Variants in FHIT observed in about 807,000 individuals in gnomAD.
FHIT encodes the protein bis(5'-adenosyl)-triphosphatase.
Under a neutral mutation model 17.9 loss-of-function variants are expected in FHIT, and 19 were observed. The observed-to-expected ratio is 1.06, with a 90% CI of 0.74 to 1.56. The LOEUF is 1.56. Among genes scored for constraint, FHIT ranks in the 40% most tolerant of loss-of-function variants. The probability of loss-of-function intolerance (pLI) is 0.00; values close to 1 mark genes in which losing one functional copy is unlikely to be tolerated. For missense variants in FHIT, 248 were observed against 189.2 expected (o/e 1.31, Z -1.82); for synonymous variants, 81 against 69.7 (o/e 1.16, Z -0.81).
intron 3 of FHIT, among the ~76,000 whole-genome samples, chr3:60,972,430 T>A (rs1381502563): frequency 6.6e-6 from 1 of 152,220 alleles, no homozygotes; most frequent in Non-Finnish European, 1.5e-5. Flanking sequence ...GGTTTAAAAA[T>A]TAGCTTTATG....
chr3:60,577,376 T>C, intron 4 of FHIT, among the ~76,000 whole-genome samples: 1 of 152,092 alleles, frequency 6.6e-6, no homozygotes, highest in Admixed American at 6.6e-5. Flanking sequence ...CTCTTTTGGG[T>C]CAAAAATAAC....
intron 5 of FHIT, among the ~76,000 whole-genome samples, chr3:60,358,270 C>A (rs1472894178): frequency 6.6e-6 from 1 of 152,170 alleles, no homozygotes; most frequent in Admixed American, 6.5e-5. Context: ...GAGAACAATC[C>A]TTTCCAGCCA....
intron 7 of FHIT, among the ~76,000 whole-genome samples, chr3:59,988,141 G>C (rs565619395): frequency 6.6e-6 from 1 of 152,104 alleles, no homozygotes; most frequent in African/African-American, 2.4e-5. Context: ...AAGCAACAGA[G>C]AATGAGAAAT....
At chr3:60,895,139 C>T (rs1553761581) in intron 3 of FHIT, among the ~76,000 whole-genome samples, 1 of 152,150 alleles carries the variant, frequency 6.6e-6, no homozygotes, top group African/African-American at 2.4e-5. Flanking sequence ...TTCCTTTGCC[C>T]ATCATGTCAT....
intron 2 of FHIT, among the ~76,000 whole-genome samples, chr3:61,123,661 G>T (rs2036526872): frequency 6.6e-6 from 1 of 152,074 alleles, no homozygotes; most frequent in African/African-American, 2.4e-5. Context: ...ACTTCTTCTT[G>T]TTCTATCCCC....
intron 4 of FHIT, among the ~76,000 whole-genome samples, chr3:60,648,158 A>T (rs537542346): frequency 6.6e-6 from 1 of 152,188 alleles, no homozygotes; most frequent in South Asian, 2.1e-4. Context: ...GGGAACCACA[A>T]CAGGTTGACG....
At chr3:60,757,161 C>T (rs1467685726) in intron 4 of FHIT, among the ~76,000 whole-genome samples, 1 of 145,716 alleles carries the variant, frequency 6.9e-6, no homozygotes, top group Non-Finnish European at 1.5e-5. Context: ...AATTTAGATA[C>T]ATTGGAGATA....
At chr3:59,753,353 G>C (rs903723300) in intron 8 of FHIT, among the ~76,000 whole-genome samples, 20 of 152,278 alleles carry the variant, frequency 1.3e-4, no homozygotes, top group African/African-American at 4.3e-4. Context: ...TTCCTCCTCA[G>C]ATTACAGGCA....
intron 8 of FHIT, among the ~76,000 whole-genome samples, chr3:59,787,526 A>ACACACACACACACT (rs1205518012): frequency 4.4e-5 from 6 of 135,250 alleles, no homozygotes; most frequent in African/African-American, 1.7e-4. Flanking sequence ...ACACACACAC[A>ACACACACACACACT]CACGTCAAAG....
intron 3 of FHIT, among the ~76,000 whole-genome samples, chr3:60,850,645 T>C (rs145293857): frequency 1.2e-3 from 186 of 152,230 alleles, no homozygotes; most frequent in Non-Finnish European, 2.0e-3. Context: ...GCCAGGTGCC[T>C]GTCCAAAGTA....
At chr3:60,701,585 A>G (rs1414898191) in intron 4 of FHIT, among the ~76,000 whole-genome samples, 2 of 151,940 alleles carry the variant, frequency 1.3e-5, no homozygotes, top group Non-Finnish European at 2.9e-5. Context: ...AGACCAGATG[A>G]GTCAGTTTAT....
At chr3:60,311,137 G>T (rs1431736253) in intron 5 of FHIT, among the ~76,000 whole-genome samples, 3 of 151,948 alleles carry the variant, frequency 2.0e-5, no homozygotes, top group Non-Finnish European at 2.9e-5. Flanking sequence ...TCCAGTATAG[G>T]ATCTTATTTA....
At chr3:61,149,332 A>C (rs2037317181) in intron 2 of FHIT, among the ~76,000 whole-genome samples, 1 of 152,178 alleles carries the variant, frequency 6.6e-6, no homozygotes, top group Admixed American at 6.5e-5. Context: ...TAGGGTGACT[A>C]TAAATAATTT....
At chr3:60,502,559 C>T (rs1003941004) in intron 5 of FHIT, among the ~76,000 whole-genome samples, 21 of 152,126 alleles carry the variant, frequency 1.4e-4, no homozygotes, top group African/African-American at 5.1e-4. Flanking sequence ...GTCAGCAACT[C>T]CCCCAGTGCT....
intron 5 of FHIT, among the ~76,000 whole-genome samples, chr3:60,163,320 C>T (rs2107373476): frequency 6.6e-6 from 1 of 152,198 alleles, no homozygotes; most frequent in East Asian, 1.9e-4. Flanking sequence ...TAGGTAGGTA[C>T]TACCTTTACC....
intron 5 of FHIT, among the ~76,000 whole-genome samples, chr3:60,154,450 G>C (rs527527040): frequency 6.6e-6 from 1 of 152,236 alleles, no homozygotes; most frequent in African/African-American, 2.4e-5. Flanking sequence ...ATAGAAGCTA[G>C]AAACTCCAAT....
At chr3:59,968,467 G>GA (rs11410877) in intron 7 of FHIT, among the ~76,000 whole-genome samples, 4,003 of 149,030 alleles carry the variant, frequency 0.027, 195 homozygotes, top group African/African-American at 0.093. Context: ...ACACAAAAAG[G>GA]AAAAAAAAAA....
intron 5 of FHIT, among the ~76,000 whole-genome samples, chr3:60,471,352 G>A (rs1255037226): frequency 6.6e-6 from 1 of 152,194 alleles, no homozygotes; most frequent in East Asian, 1.9e-4. Flanking sequence ...ACTTTAGCCT[G>A]TGGTGGTGGA....
At chr3:60,638,607 G>A (rs1341708740) in intron 4 of FHIT, among the ~76,000 whole-genome samples, 1 of 152,018 alleles carries the variant, frequency 6.6e-6, no homozygotes, top group African/African-American at 2.4e-5. Context: ...AATTTGAGAT[G>A]TTTTAGGTGA....
Sources: allele counts gnomAD v4.1 joint callset (sites outside exome capture counted in the v4.1 genomes callset), GRCh38; gene constraint gnomAD v4.1.1; transcripts MANE v1.5; gene names NCBI Gene and HGNC (gene_info 2026-07-23, HGNC 2026-07-21).